Variants in MROH7 observed in about 807,000 individuals in gnomAD.
The protein encoded by MROH7 is maestro heat like repeat family member 7.
MROH7 carries 113 observed loss-of-function variants against 129.2 expected under a neutral mutation model. The ratio of observed to expected loss-of-function variants is 0.87; its 90% CI spans 0.75 to 1.02. The LOEUF is 1.02. MROH7 is among the 50% of genes least tolerant of loss of function. The pLI is 0.00. For synonymous variants in MROH7, 655 were observed against 667.9 expected (o/e 0.98, Z 0.30); for missense variants, 1,601 against 1,671.3 (o/e 0.96, Z 0.73).
intron 3 of MROH7, among the ~76,000 whole-genome samples, chr1:54,657,122 A>G (rs1644662154): frequency 6.8e-6 from 1 of 147,398 alleles, no homozygotes; most frequent in South Asian, 2.1e-4. Context: ...ATCTTGCCTC[A>G]CTGCAACCTC....
At chr1:54,676,071 G>A (rs1265137045) in intron 10 of MROH7, among the ~76,000 whole-genome samples, 1 of 151,762 alleles carries the variant, frequency 6.6e-6, no homozygotes, top group Non-Finnish European at 1.5e-5. Flanking sequence ...GTAAACAATG[G>A]GTAATTTTTA....
At chr1:54,642,619 T>C (rs953759448) in intron 1 of MROH7, among the ~76,000 whole-genome samples, 8 of 152,084 alleles carry the variant, frequency 5.3e-5, no homozygotes, top group Non-Finnish European at 1.0e-4. Context: ...TAGAAATCAA[T>C]TTATTTTATT....
rs1402157853 is a variant in MROH7 at position 54,692,109 on chromosome 1, G to C, written c.2712-315G>C. On this transcript the variant is annotated intron_variant, in intron 15 of 23. Coordinates refer to ENST00000421030, the MANE Select transcript of MROH7 (RefSeq NM_001039464.4). The stretch of plus-strand genomic sequence containing the variant: ...GTTGGAGAAGGACTCGGCCCACATA[G>C]GAGACTGTGAGTGAGCAGAGAGGCT... 2.0e-5 allele frequency among the ~76,000 whole-genome samples: 3 copies of C among 152,322 alleles called. No homozygotes were observed. In the East Asian group the frequency reaches 5.8e-4, roughly 29 times the overall value.
intron 14 of MROH7, among the ~76,000 whole-genome samples, chr1:54,684,727 G>T (rs1645120318): frequency 6.6e-6 from 1 of 152,186 alleles, no homozygotes; most frequent in Non-Finnish European, 1.5e-5. Context: ...CTCTGCCACT[G>T]CCTCACTATA....
chr1:54,675,943 C>T (rs1159005543), intron 10 of MROH7, among the ~76,000 whole-genome samples: 1 of 151,548 alleles, frequency 6.6e-6, no homozygotes, highest in Non-Finnish European at 1.5e-5. Flanking sequence ...GCCGAGGCAG[C>T]TCATTTAAAA....
chr1:54,679,418 C>T lies in MROH7; in HGVS notation c.2205C>T (p.Tyr735=), dbSNP rs778351863. 6.2e-7 allele frequency: 1 copy of T among 1,613,790 alleles called. No individual in the cohort carries two copies. The highest frequency in any genetic ancestry group is 1.7e-5 in the Admixed American group (1 of 60,018). The change falls in exon 12 of 24, where the codon TAC becomes TAT. Residue 735 remains tyrosine (Y), a synonymous_variant. Coordinates refer to ENST00000421030, the MANE Select transcript of MROH7 (RefSeq NM_001039464.4). ...TGCTCAGCTCGGTGCTGGAGTGGTA[C>T]CGCCACAGGGCGCTGGAGGTGGTAA... ...EVMLSSVLEW[Y]RHRALEVIPE... is the part of the protein sequence containing the mutation.
In MROH7 at chr1:54,682,665, A is replaced by C. The variant is rs370479624; in HGVS notation, c.2391A>C (p.Ala797=). Residue 797 remains alanine, a synonymous_variant, in exon 14 of 24, where the codon GCA becomes GCC. Transcript: ENST00000421030. ...MCPLPLNSNG[A]EMWRQLILCK... Reference sequence around the variant, plus strand: ...ATCCCTGACCTCTCAGCAATGGAGCAGAGATGTGGAGGCAGCTGATACTGT... The same window carrying C: ...ATCCCTGACCTCTCAGCAATGGAGCCGAGATGTGGAGGCAGCTGATACTGT... 6 of 1,612,980 alleles carry C rather than the reference A, an allele frequency of 3.7e-6. No homozygotes were observed. The highest frequency in any genetic ancestry group is 1.3e-5 in the African/African-American group (1 of 74,890).
chr1:54,700,431 C>A lies in MROH7; in HGVS notation c.3075C>A (p.Gly1025=). The A allele has an allele frequency of 2.5e-6, 4 of 1,606,676 alleles. No individual in the cohort carries two copies. Among genetic ancestry groups the A allele is most frequent in the Non-Finnish European group, 3.4e-6 (4 of 1,175,728 alleles). Residue 1025 remains glycine (G), a synonymous_variant, in exon 18 of 24, where the codon GGC becomes GGA. Coordinates refer to ENST00000421030, the MANE Select transcript of MROH7 (RefSeq NM_001039464.4). ...DPIMKVLSIR[G]LVILARRSEK... ...TCATGAAGGTGCTGTCCATTCGAGG[C>A]CTGGTCATCCTGGCCCGCAGGTCTG... is the stretch of plus-strand genomic sequence containing the variant.
chr1:54,680,948 G>GT (rs908469735), intron 13 of MROH7, among the ~76,000 whole-genome samples: 47 of 149,644 alleles, frequency 3.1e-4, no homozygotes, highest in Non-Finnish European at 5.2e-4. Flanking sequence ...CCCCACCAGG[G>GT]TTTTTTTTTT....
Position 54,702,636 on chromosome 1 carries a change from C to A in MROH7, c.3455C>A (p.Thr1152Asn). 6.2e-7 allele frequency: 1 copy of A among 1,611,334 alleles called. No individual in the cohort carries two copies. The highest frequency in any genetic ancestry group is 8.5e-7 in the Non-Finnish European group (1 of 1,178,622). Residue 1152 changes from threonine (T) to asparagine (N), a missense_variant, in exon 21 of 24, where the codon ACC becomes AAC. By Grantham distance (65) the Thr-to-Asn change is moderately conservative (BLOSUM62 0). Transcript: ENST00000421030. Reference sequence around the variant, plus strand: ...ATTGGTTCCCAGAAGTGTGTGAAGACCCTGTTACGCTGTTCTTACTTCATG... The same window carrying A: ...ATTGGTTCCCAGAAGTGTGTGAAGAACCTGTTACGCTGTTCTTACTTCATG... Reference protein sequence around the residue: ...NSKVSQKCVKTLLRCSYFMAW... With the variant: ...NSKVSQKCVKNLLRCSYFMAW...
rs1338054110 is a variant in MROH7, at chr1:54,700,442, T to C, written c.3086T>C (p.Leu1029Pro). ...KVLSIRGLVI[L>P]ARRSEKTAKV... is the part of the protein sequence containing the mutation. ...CTGTCCATTCGAGGCCTGGTCATCC[T>C]GGCCCGCAGGTCTGAGAAGGTGAGT... Residue 1029 changes from leucine (L) to proline (P), a missense_variant, in exon 18 of 24, where the codon CTG becomes CCG. Physicochemically the swap from Leu to Pro is moderately conservative, Grantham distance 98. Coordinates refer to ENST00000421030, the MANE Select transcript of MROH7 (RefSeq NM_001039464.4). 4 of 1,603,344 alleles carry C rather than the reference T, an allele frequency of 2.5e-6. No individual in the cohort carries two copies. In the African/African-American group the frequency reaches 4.0e-5, roughly 16 times the overall value.
At chr1:54,643,272 G>T (rs1644415206) in intron 1 of MROH7, among the ~76,000 whole-genome samples, 1 of 152,228 alleles carries the variant, frequency 6.6e-6, no homozygotes. Context: ...TAGACTAGAT[G>T]TTAGCCAGAG....
At chr1:54,696,373 G>A (rs1456720064) in intron 17 of MROH7, among the ~76,000 whole-genome samples, 1 of 152,054 alleles carries the variant, frequency 6.6e-6, no homozygotes, top group Non-Finnish European at 1.5e-5. Context: ...ACAGTCCAAT[G>A]ACATTAATAC....
At chr1:54,657,574 G>C (rs1368030445) in intron 3 of MROH7, among the ~76,000 whole-genome samples, 1 of 150,410 alleles carries the variant, frequency 6.6e-6, no homozygotes, top group African/African-American at 2.5e-5. Flanking sequence ...AAGAGACCTC[G>C]CTATGTTGCC....
At chr1:54,680,161 C>T (rs923056880) in intron 13 of MROH7, 116 bp downstream of exon 13, 8 of 865,518 alleles carry the variant, frequency 9.2e-6, no homozygotes, top group East Asian at 2.5e-5. Flanking sequence ...GATGGCCCCC[C>T]TTCTGTGATC....
At chr1:54,681,794 CT>C (rs1645072911) in intron 13 of MROH7, among the ~76,000 whole-genome samples, 1 of 152,176 alleles carries the variant, frequency 6.6e-6, no homozygotes, top group Non-Finnish European at 1.5e-5. Flanking sequence ...TAGCCCCAGG[CT>C]GCTCAACTGC....
intron 8 of MROH7, 113 bp from the exon 9 acceptor site, chr1:54,673,588 C>A: frequency 1.3e-6 from 1 of 765,918 alleles, no homozygotes. Flanking sequence ...GCTGTGGTGA[C>A]CTTTATACCC....
At position 54,654,002 on chromosome 1, in the gene MROH7, A is replaced by G. The variant is rs773117743; in HGVS notation, c.1076A>G (p.Asp359Gly). The change falls in exon 3 of 24, where the codon GAT becomes GGT. Residue 359 changes from aspartate to glycine, a missense_variant. Transcript: ENST00000421030. Reference sequence around the variant, plus strand: ...TTGACGCTGAGCAGTCAGCAGGATGATGCCAAGGACAACAGCATCCACACT... The same window carrying G: ...TTGACGCTGAGCAGTCAGCAGGATGGTGCCAAGGACAACAGCATCCACACT... ...STLTLSSQQD[D>G]AKDNSIHTVP... 6.2e-7 allele frequency: 1 copy of G among 1,614,254 alleles called. No individual in the cohort carries two copies. Among genetic ancestry groups the G allele is most frequent in the East Asian group, 2.2e-5 (1 of 44,880 alleles).
At chr1:54,685,658 G>T (rs1040320938) in intron 14 of MROH7, among the ~76,000 whole-genome samples, 14 of 152,180 alleles carry the variant, frequency 9.2e-5, no homozygotes, top group African/African-American at 3.1e-4. Context: ...AGCCCTTGGG[G>T]GCAGAGCTGG....
Sources: gnomAD v4.1 joint callset for allele counts (sites outside exome capture counted in the v4.1 genomes callset) on GRCh38, gnomAD v4.1.1 for gene constraint, MANE v1.5 for transcripts, NCBI Gene and HGNC (gene_info 2026-07-23, HGNC 2026-07-21) for gene names.